Variants in EEPD1 observed in about 807,000 individuals in gnomAD.
The protein encoded by EEPD1 is endonuclease/exonuclease/phosphatase family domain containing 1.
Under a neutral mutation model 46.3 loss-of-function variants are expected in EEPD1, and 17 were observed. The observed-to-expected ratio is 0.37, with a 90% CI of 0.25 to 0.55. The LOEUF (loss-of-function observed/expected upper bound fraction) is 0.55, where lower values mean the gene tolerates loss of function less well. Ranked by LOEUF, EEPD1 falls within the 20% of genes least tolerant of loss-of-function variation. The probability of loss-of-function intolerance (pLI) is 0.83; values close to 1 mark genes in which losing one functional copy is unlikely to be tolerated. For missense variants in EEPD1, 673 were observed against 745.6 expected, an observed-to-expected ratio of 0.90 and a Z score of 1.13; for synonymous variants, 313 against 315.6, an observed-to-expected ratio of 0.99 and a Z score of 0.09.
intron 3 of EEPD1, among the ~76,000 whole-genome samples, chr7:36,239,579 G>A (rs1359111929): frequency 1.3e-5 from 2 of 152,244 alleles, no homozygotes; most frequent in East Asian, 3.9e-4. Context: ...GGCTACTACT[G>A]AGGATTGAGA....
At chr7:36,238,592 A>G (rs1470662828) in intron 2 of EEPD1, among the ~76,000 whole-genome samples, 7 of 152,162 alleles carry the variant, frequency 4.6e-5, no homozygotes, top group African/African-American at 1.7e-4. Context: ...AAGCTGAGTA[A>G]TATAGTCCAT....
intron 3 of EEPD1, among the ~76,000 whole-genome samples, chr7:36,258,578 C>T (rs1786863509): frequency 1.3e-5 from 2 of 152,166 alleles, no homozygotes; most frequent in African/African-American, 2.4e-5. Flanking sequence ...TGCAGAGCTG[C>T]AGTGAGCTCC....
chr7:36,205,560 G>A (rs923966374), intron 2 of EEPD1, among the ~76,000 whole-genome samples: 1 of 152,218 alleles, frequency 6.6e-6, no homozygotes, highest in Admixed American at 6.5e-5. Context: ...TGCCCATGCA[G>A]CCTGCAGGTT....
intron 6 of EEPD1, 36 bp from the exon 7 acceptor site, chr7:36,296,957 C>T (rs185730374): frequency 3.7e-6 from 6 of 1,607,286 alleles, no homozygotes; most frequent in Non-Finnish European, 5.1e-6. Flanking sequence ...TACTTCCCAA[C>T]AACTCTTAAA....
intron 2 of EEPD1, among the ~76,000 whole-genome samples, chr7:36,203,790 A>G (rs1321441492): frequency 6.6e-6 from 1 of 152,190 alleles, no homozygotes; most frequent in Non-Finnish European, 1.5e-5. Context: ...AATTTAGTGG[A>G]TTCAGAAAAG....
At chr7:36,163,386 A>G (rs765694785) in intron 2 of EEPD1, among the ~76,000 whole-genome samples, 1 of 151,948 alleles carries the variant, frequency 6.6e-6, no homozygotes, top group African/African-American at 2.4e-5. Flanking sequence ...TTTAGTGTCC[A>G]CTTGGTGGTA....
intron 2 of EEPD1, among the ~76,000 whole-genome samples, chr7:36,165,441 A>C (rs1392264082): frequency 1.3e-4 from 2 of 15,550 alleles, no homozygotes; most frequent in African/African-American, 4.9e-4. Context: ...TTTTTTTTTG[A>C]CAGAGCCTTG....
At chr7:36,203,950 T>A (rs183594866) in intron 2 of EEPD1, among the ~76,000 whole-genome samples, 115 of 149,704 alleles carry the variant, frequency 7.7e-4, no homozygotes, top group African/African-American at 2.5e-3. Flanking sequence ...ATGTATAATT[T>A]TATAAACCAC....
chr7:36,161,988 A>T (rs568064253), intron 2 of EEPD1, among the ~76,000 whole-genome samples: 1 of 152,234 alleles, frequency 6.6e-6, no homozygotes, highest in South Asian at 2.1e-4. Context: ...AAATAAAATG[A>T]TAGATTTTAC....
chr7:36,223,144 G>GAC (rs1786175882), intron 2 of EEPD1, among the ~76,000 whole-genome samples: 3 of 151,696 alleles, frequency 2.0e-5, no homozygotes, highest in Non-Finnish European at 4.4e-5. Context: ...GAGTGAGACT[G>GAC]TGTCTCAAAA....
intron 2 of EEPD1, among the ~76,000 whole-genome samples, chr7:36,208,113 G>T (rs1176629461): frequency 6.6e-6 from 1 of 152,138 alleles, no homozygotes; most frequent in Non-Finnish European, 1.5e-5. Flanking sequence ...TGAGCTGTCT[G>T]CCTGGGCCTG....
chr7:36,284,960 G>A, intron 5 of EEPD1, 140 bp downstream of exon 5: 1 of 1,228,890 alleles, frequency 8.1e-7, no homozygotes, highest in Non-Finnish European at 1.1e-6. Context: ...GGAGATTTTT[G>A]TCTCTCCTGG....
At chr7:36,262,363 TTGTC>T (rs1194457313) in intron 3 of EEPD1, among the ~76,000 whole-genome samples, 1 of 152,022 alleles carries the variant, frequency 6.6e-6, no homozygotes, top group African/African-American at 2.4e-5. Context: ...GAAAAAAAAA[TTGTC>T]TGAGGGTCAT....
chr7:36,159,178 G>T (rs1285277451), intron 2 of EEPD1, among the ~76,000 whole-genome samples: 1 of 152,230 alleles, frequency 6.6e-6, no homozygotes, highest in African/African-American at 2.4e-5. Context: ...TGTCTGCTGT[G>T]TGCATATATA....
At chr7:36,242,839 G>C (rs1199475622) in intron 3 of EEPD1, among the ~76,000 whole-genome samples, 1 of 151,378 alleles carries the variant, frequency 6.6e-6, no homozygotes, top group Non-Finnish European at 1.5e-5. Flanking sequence ...TGAGGCAGGA[G>C]AATCTCTTAA....
intron 2 of EEPD1, among the ~76,000 whole-genome samples, chr7:36,174,654 G>A (rs183587722): frequency 2.6e-5 from 4 of 152,230 alleles, no homozygotes; most frequent in Admixed American, 6.5e-5. Flanking sequence ...CCAAGACACC[G>A]GCCTTCTCTG....
chr7:36,171,828 T>G (rs1348826201), intron 2 of EEPD1, among the ~76,000 whole-genome samples: 1 of 152,240 alleles, frequency 6.6e-6, no homozygotes, highest in Non-Finnish European at 1.5e-5. Flanking sequence ...AGCTGGCATC[T>G]GATTCAGTTT....
At chr7:36,165,420 T>TA in intron 2 of EEPD1, among the ~76,000 whole-genome samples, 1 of 112,520 alleles carries the variant, frequency 8.9e-6, no homozygotes, top group East Asian at 2.3e-4. Flanking sequence ...CCTTTTTTTT[T>TA]TTTTTTTTTT....
At chr7:36,168,477 G>A (rs1785025914) in intron 2 of EEPD1, among the ~76,000 whole-genome samples, 3 of 152,248 alleles carry the variant, frequency 2.0e-5, no homozygotes, top group East Asian at 1.9e-4. Context: ...ACAGTTGGCC[G>A]GGCACGGTGG....
Sources: gnomAD v4.1 joint callset for allele counts (sites outside exome capture counted in the v4.1 genomes callset) on GRCh38, gnomAD v4.1.1 for gene constraint, MANE v1.5 for transcripts, NCBI Gene and HGNC (gene_info 2026-07-23, HGNC 2026-07-21) for gene names.